Variants in FRAS1 observed in about 807,000 individuals in gnomAD.
FRAS1 encodes Fraser extracellular matrix complex subunit 1.
Under a neutral mutation model 435.2 loss-of-function variants are expected in FRAS1, and 290 were observed. The ratio of observed to expected loss-of-function variants is 0.67; its 90% confidence interval spans 0.61 to 0.73. The LOEUF is 0.73. Ranked by LOEUF, FRAS1 falls within the 30% of genes least tolerant of loss-of-function variation. FRAS1 has a pLI of 0.00. For missense variants in FRAS1, 4,860 were observed against 5,001.5 expected, an observed-to-expected ratio of 0.97 and a Z score of 0.85; for synonymous variants, 1,800 against 1,851.0, an observed-to-expected ratio of 0.97 and a Z score of 0.71.
intron 32 of FRAS1, among the ~76,000 whole-genome samples, chr4:78,417,760 A>G (rs1300439379): frequency 6.6e-6 from 1 of 152,188 alleles, no homozygotes; most frequent in Admixed American, 6.5e-5. Context: ...ACCCTCCTCT[A>G]TGAGCATTAC....
chr4:78,485,424 T>C (rs1297829879), intron 58 of FRAS1, among the ~76,000 whole-genome samples: 1 of 152,228 alleles, frequency 6.6e-6, no homozygotes, highest in African/African-American at 2.4e-5. Context: ...GAAACTGATA[T>C]GTTAAGCAAA....
chr4:78,230,243 G>T (rs1165986795), intron 2 of FRAS1, among the ~76,000 whole-genome samples: 2 of 152,106 alleles, frequency 1.3e-5, no homozygotes, highest in Non-Finnish European at 2.9e-5. Flanking sequence ...TCCTTAAGGG[G>T]GTATTATATG....
At chr4:78,123,988 C>T (rs921705338) in intron 2 of FRAS1, among the ~76,000 whole-genome samples, 1 of 152,170 alleles carries the variant, frequency 6.6e-6, no homozygotes, top group Admixed American at 6.5e-5. Context: ...TGCCTGATTG[C>T]CCTGGCCAGA....
At chr4:78,390,633 C>G (rs1732408809) in intron 29 of FRAS1, among the ~76,000 whole-genome samples, 1 of 152,214 alleles carries the variant, frequency 6.6e-6, no homozygotes, top group Non-Finnish European at 1.5e-5. Flanking sequence ...TTCCTCTGAA[C>G]TCACTGTATC....
chr4:78,491,959 A>G (rs550070015), intron 59 of FRAS1, among the ~76,000 whole-genome samples: 1 of 152,350 alleles, frequency 6.6e-6, no homozygotes, highest in Non-Finnish European at 1.5e-5. Flanking sequence ...GCAAAGTTTC[A>G]GGATACAAAA....
intron 3 of FRAS1, among the ~76,000 whole-genome samples, chr4:78,239,315 TA>T (rs533758050): frequency 2.0e-4 from 31 of 152,264 alleles, no homozygotes; most frequent in African/African-American, 7.2e-4. Flanking sequence ...CCATATCTAG[TA>T]CATTAACAAC....
At chr4:78,390,659 G>A (rs1182481418) in intron 29 of FRAS1, among the ~76,000 whole-genome samples, 3 of 152,198 alleles carry the variant, frequency 2.0e-5, no homozygotes, top group Non-Finnish European at 4.4e-5. Context: ...ACAAGTGAGA[G>A]TATTTATAAT....
At chr4:78,213,290 G>C (rs1478535791) in intron 2 of FRAS1, among the ~76,000 whole-genome samples, 2 of 152,242 alleles carry the variant, frequency 1.3e-5, no homozygotes, top group African/African-American at 4.8e-5. Context: ...CATTTGCATT[G>C]CAAGGGAAAG....
chr4:78,204,047 G>A (rs1263216019), intron 2 of FRAS1, among the ~76,000 whole-genome samples: 1 of 152,188 alleles, frequency 6.6e-6, no homozygotes, highest in African/African-American at 2.4e-5. Flanking sequence ...CTTGTGTTAG[G>A]TAAGCTTCAT....
At chr4:78,215,752 C>T (rs1723739704) in intron 2 of FRAS1, among the ~76,000 whole-genome samples, 1 of 152,216 alleles carries the variant, frequency 6.6e-6, no homozygotes, top group African/African-American at 2.4e-5. Flanking sequence ...TTAATATCCT[C>T]AAGGTTCATC....
In FRAS1 at chr4:78,469,993, C is replaced by T. The variant is rs376823765; in HGVS notation, c.7273C>T (p.Pro2425Ser). Residue 2425 changes from proline to serine, a missense_variant, in exon 51 of 74, where the codon CCT becomes TCT. By Grantham distance (74) the Pro-to-Ser change is moderately conservative (BLOSUM62 -1). Transcript: ENST00000512123. ...EGGKEIMTAA[P>S]QPFRVDILPV... ...TCCCCTTCAGATTATGACAGCAGCA[C>T]CTCAGCCGTTCCGAGTAGACATCCT... 1.1e-5 allele frequency: 18 copies of T among 1,613,284 alleles called. No homozygotes were observed. The highest frequency in any genetic ancestry group is 1.5e-5 in the Non-Finnish European group (18 of 1,179,582).
At position 78,499,795 on chromosome 4, in the gene FRAS1, A is replaced by C. The variant is rs1720622075; in HGVS notation, c.9190A>C (p.Asn3064His). 6.2e-7 allele frequency: 1 copy of C among 1,613,962 alleles called. No homozygotes were observed. The highest frequency in any genetic ancestry group is 1.3e-5 in the African/African-American group (1 of 75,046). Reference sequence around the variant, plus strand: ...AGGCCCAGATGCCATTGCGATTCTGAACATCAAGGTGATCCGCAGAGGGGA... The same window carrying C: ...AGGCCCAGATGCCATTGCGATTCTGCACATCAAGGTGATCCGCAGAGGGGA... ...PAGPDAIAIL[N>H]IKVIRRGDQN... is the part of the protein sequence containing the mutation. The change falls in exon 61 of 74, where the codon AAC becomes CAC. Residue 3064 changes from asparagine (N) to histidine (H), a missense_variant. Physicochemically the swap from Asn to His is moderately conservative, Grantham distance 68. Coordinates refer to ENST00000512123, the MANE Select transcript of FRAS1 (RefSeq NM_025074.7).
intron 20 of FRAS1, among the ~76,000 whole-genome samples, chr4:78,354,879 A>G (rs1730790091): frequency 1.3e-5 from 2 of 152,222 alleles, no homozygotes; most frequent in Admixed American, 1.3e-4. Context: ...TTTGATCCAA[A>G]GATGTGAAAT....
chr4:78,344,802 A>C (rs753331756), intron 20 of FRAS1, among the ~76,000 whole-genome samples: 3 of 152,224 alleles, frequency 2.0e-5, no homozygotes, highest in Non-Finnish European at 4.4e-5. Flanking sequence ...TTAAATGAAT[A>C]AACTTCAAAG....
chr4:78,399,119 A>G (rs765456481), intron 29 of FRAS1, among the ~76,000 whole-genome samples: 9 of 152,300 alleles, frequency 5.9e-5, no homozygotes, highest in Non-Finnish European at 1.2e-4. Flanking sequence ...ATAATATGCT[A>G]TGTCAATTGA....
intron 38 of FRAS1, among the ~76,000 whole-genome samples, chr4:78,438,355 T>G (rs1734509712): frequency 6.6e-6 from 1 of 152,220 alleles, no homozygotes; most frequent in South Asian, 2.1e-4. Context: ...CTTGAGCTAC[T>G]CTTAGAAAAA....
At chr4:78,418,637 C>T (rs1212664751) in intron 32 of FRAS1, among the ~76,000 whole-genome samples, 2 of 152,150 alleles carry the variant, frequency 1.3e-5, no homozygotes, top group Non-Finnish European at 1.5e-5. Context: ...CATTTGCAAA[C>T]GTGTTCCACC....
intron 50 of FRAS1, among the ~76,000 whole-genome samples, chr4:78,469,066 C>G (rs901289380): frequency 6.6e-6 from 1 of 152,132 alleles, no homozygotes; most frequent in Non-Finnish European, 1.5e-5. Flanking sequence ...CTTGTTTTTT[C>G]TCTCCCAAAC....
chr4:78,434,522 A>G (rs933827253), intron 38 of FRAS1, among the ~76,000 whole-genome samples: 2 of 152,164 alleles, frequency 1.3e-5, no homozygotes, highest in African/African-American at 4.8e-5. Context: ...CCAAAAATAA[A>G]ATTATTTGAA....
Sources: allele counts gnomAD v4.1 joint callset (sites outside exome capture counted in the v4.1 genomes callset), GRCh38; gene constraint gnomAD v4.1.1; transcripts MANE v1.5; gene names NCBI Gene and HGNC (gene_info 2026-07-23, HGNC 2026-07-21).